Variants in AGBL1 observed in about 807,000 individuals in gnomAD.
AGBL1 encodes the protein AGBL carboxypeptidase 1, also known as cytosolic carboxypeptidase 4.
In AGBL1, 130 loss-of-function variants were observed where a neutral mutation model predicts 118.9. The ratio of observed to expected loss-of-function variants is 1.09; its 90% CI spans 0.95 to 1.26. The LOEUF is 1.26. Ranked by LOEUF, AGBL1 falls within the 50% of genes most tolerant of loss-of-function variation. The pLI, the probability that AGBL1 is intolerant of heterozygous loss-of-function variation, is 0.00. For missense variants in AGBL1, 1,584 were observed against 1,298.1 expected, an observed-to-expected ratio of 1.22 and a Z score of -3.38; for synonymous variants, 555 against 478.9, an observed-to-expected ratio of 1.16 and a Z score of -2.08.
At chr15:86,164,548 A>G (rs1200656215) in intron 5 of AGBL1, among the ~76,000 whole-genome samples, 1 of 152,162 alleles carries the variant, frequency 6.6e-6, no homozygotes, top group Non-Finnish European at 1.5e-5. Context: ...TTTGATAATA[A>G]TAAGGACCAT....
In AGBL1 at chr15:86,577,769, G is replaced by A. The variant is rs28866795; in HGVS notation, c.2994+23232G>A. Among the ~76,000 whole-genome samples the A allele has an allele frequency of 2.0e-5, 3 of 152,310 alleles. No individual in the cohort carries two copies. The East Asian group carries it at 5.8e-4, about 29-fold the overall frequency. ...TAGAGCTCGGGCCATGGCTTCAGAG[G>A]GTGCAAGCCCCAAGCCTTGGCAGCT... On this transcript the variant is annotated intron_variant, in intron 21 of 22. Coordinates refer to ENST00000614907, the MANE Select transcript of AGBL1 (RefSeq NM_001386094.1).
chr15:86,425,261 C>A (rs1242584488), intron 18 of AGBL1, among the ~76,000 whole-genome samples: 1 of 152,056 alleles, frequency 6.6e-6, no homozygotes, highest in East Asian at 1.9e-4. Flanking sequence ...AAGCTGGAAA[C>A]CATCTTTCTC....
Position 86,120,593 on chromosome 15 carries a change from C to T in AGBL1, c.52-21411C>T, listed in dbSNP as rs1413983620. Reference sequence around the variant, plus strand: ...CACCTCCACTGCACAACAGCCTGCGCTTTTCTGTTTGTGTGTCTGTCTCCA... The same window carrying T: ...CACCTCCACTGCACAACAGCCTGCGTTTTTCTGTTTGTGTGTCTGTCTCCA... On this transcript the variant is annotated intron_variant, in intron 1 of 22. Transcript: ENST00000614907. 2.0e-5 allele frequency among the ~76,000 whole-genome samples: 3 copies of T among 152,172 alleles called. No individual in the cohort carries two copies. In the East Asian group the frequency reaches 5.8e-4, roughly 29 times the overall value.
chr15:86,313,287 T>C (rs568684087), intron 17 of AGBL1, among the ~76,000 whole-genome samples: 1 of 152,214 alleles, frequency 6.6e-6, no homozygotes, highest in Non-Finnish European at 1.5e-5. Context: ...AATGTAGTCT[T>C]GTTTATTCAG....
intron 20 of AGBL1, among the ~76,000 whole-genome samples, chr15:86,552,075 T>G (rs2083670830): frequency 6.6e-6 from 1 of 152,182 alleles, no homozygotes; most frequent in Non-Finnish European, 1.5e-5. Flanking sequence ...CATTATACAT[T>G]TTTTCAAACC....
intron 21 of AGBL1, among the ~76,000 whole-genome samples, chr15:86,637,074 A>G (rs2085109548): frequency 6.6e-6 from 1 of 152,078 alleles, no homozygotes. Context: ...GTATGGGAGC[A>G]CCATCCAATC....
At chr15:86,139,364 A>T (rs548593119) in intron 1 of AGBL1, among the ~76,000 whole-genome samples, 1 of 152,270 alleles carries the variant, frequency 6.6e-6, no homozygotes, top group African/African-American at 2.4e-5. Flanking sequence ...GAGTTTTTTC[A>T]TAATAGGATT....
intron 21 of AGBL1, among the ~76,000 whole-genome samples, chr15:86,644,879 G>A (rs1410384568): frequency 6.8e-6 from 1 of 147,346 alleles, no homozygotes; most frequent in African/African-American, 2.5e-5. Flanking sequence ...AAAATAGCTG[G>A]GCGTGGTGGC....
At chr15:86,791,818 C>T (rs2078498016) in intron 22 of AGBL1, among the ~76,000 whole-genome samples, 1 of 151,486 alleles carries the variant, frequency 6.6e-6, no homozygotes, top group Non-Finnish European at 1.5e-5. Context: ...CTCACCACAA[C>T]CCCCGCTTCC....
intron 18 of AGBL1, among the ~76,000 whole-genome samples, chr15:86,497,413 T>C (rs1178621637): frequency 2.0e-5 from 3 of 152,062 alleles, no homozygotes; most frequent in Non-Finnish European, 4.4e-5. Context: ...TTGCTTTCAA[T>C]TATTTATTGT....
At chr15:86,801,219 C>T (rs1222623891) in intron 22 of AGBL1, among the ~76,000 whole-genome samples, 4 of 152,002 alleles carry the variant, frequency 2.6e-5, no homozygotes, top group Admixed American at 6.6e-5. Context: ...TGAATTCTAT[C>T]AGGGAGTAAA....
rs78658366 is a variant in AGBL1, at chr15:86,264,599, A to C, written c.1428A>C (p.Pro476=). The part of the protein sequence containing the change: ...DAWDVDAIFC[P]RMSASFSNST... Reference sequence around the variant, plus strand: ...GGGACGTAGATGCAATTTTCTGCCCAAGGATGAGTGCCTCCTTTTCTAATT... The same window carrying C: ...GGGACGTAGATGCAATTTTCTGCCCCAGGATGAGTGCCTCCTTTTCTAATT... Residue 476 remains proline (P), a synonymous_variant, in exon 11 of 23, where the codon CCA becomes CCC. Coordinates refer to ENST00000614907, the MANE Select transcript of AGBL1 (RefSeq NM_001386094.1). 4,303 of 1,613,902 alleles carry C rather than the reference A, an allele frequency of 2.7e-3. 96 individuals carry two copies. The African/African-American group carries it at 0.046, about 17-fold the overall frequency.
rs577800355 is a variant in AGBL1 at position 87,005,535 on chromosome 15, C to T, written c.3323+17447C>T. On this transcript the variant is annotated intron_variant, in intron 24 of 24. Coordinates refer to the AGBL1 transcript ENST00000441037. ...ATAGTTCTCGTGTCATGGTTTTCAGCTCCATCAGGTCCTTTAAGGACTTCT... is the reference window on the plus strand; with the variant it reads ...ATAGTTCTCGTGTCATGGTTTTCAGTTCCATCAGGTCCTTTAAGGACTTCT... Among the ~76,000 whole-genome samples the T allele has an allele frequency of 2.8e-4, 43 of 152,318 alleles. No individual in the cohort carries two copies. In the South Asian group the frequency reaches 7.5e-3, roughly 26 times the overall value.
chr15:86,431,297 ACT>A (rs543612313), intron 18 of AGBL1, among the ~76,000 whole-genome samples: 3 of 152,194 alleles, frequency 2.0e-5, no homozygotes, highest in Non-Finnish European at 4.4e-5. Flanking sequence ...GAATAGCCCT[ACT>A]TTCTTATAAG....
chr15:86,868,088 G>T (rs60285989), intron 22 of AGBL1, among the ~76,000 whole-genome samples: 1 of 152,086 alleles, frequency 6.6e-6, no homozygotes, highest in Non-Finnish European at 1.5e-5. Context: ...TGGCTAATCC[G>T]GTCTGTGAGA....
At chr15:86,120,552 T>A (rs1898033317) in intron 1 of AGBL1, among the ~76,000 whole-genome samples, 1 of 152,210 alleles carries the variant, frequency 6.6e-6, no homozygotes. Flanking sequence ...CATGGGTAGA[T>A]GCAGTGGCTG....
At chr15:86,655,577 C>A (rs542826741) in intron 21 of AGBL1, among the ~76,000 whole-genome samples, 1 of 152,126 alleles carries the variant, frequency 6.6e-6, no homozygotes, top group African/African-American at 2.4e-5. Flanking sequence ...CTGTGTACAT[C>A]GTACCTCTAG....
intron 21 of AGBL1, among the ~76,000 whole-genome samples, chr15:86,610,770 C>T (rs2084644369): frequency 6.6e-6 from 1 of 152,144 alleles, no homozygotes; most frequent in Admixed American, 6.5e-5. Flanking sequence ...TGTTTTGCTT[C>T]CCTAATCACG....
At chr15:86,190,516 G>A (rs942113056) in intron 5 of AGBL1, among the ~76,000 whole-genome samples, 9 of 151,944 alleles carry the variant, frequency 5.9e-5, no homozygotes, top group African/African-American at 1.7e-4. Context: ...TGGTACAGCC[G>A]TGTCTTGGAT....
Sources: gnomAD v4.1 joint callset for allele counts (sites outside exome capture counted in the v4.1 genomes callset) on GRCh38, gnomAD v4.1.1 for gene constraint, MANE v1.5 for transcripts, NCBI Gene and HGNC (gene_info 2026-07-23, HGNC 2026-07-21) for gene names.